POGLUT2: variants seen among roughly 807,000 people sequenced by gnomAD.
POGLUT2 encodes the protein protein O-glucosyltransferase 2, also known as ER protein 58.
Under a neutral mutation model 57.6 loss-of-function variants are expected in POGLUT2, and 47 were observed. That is an observed-to-expected ratio of 0.82 (90% CI 0.65 to 1.04). The LOEUF is 1.04. Among genes scored for constraint, POGLUT2 ranks in the 50% least tolerant of loss-of-function variants. The probability of loss-of-function intolerance (pLI) is 0.00; values close to 1 mark genes in which losing one functional copy is unlikely to be tolerated. For missense variants in POGLUT2, 565 were observed against 614.8 expected (o/e 0.92, Z 0.86); for synonymous variants, 200 against 218.8 (o/e 0.91, Z 0.76).
Position 102,797,023 on chromosome 13 carries a change from G to A in POGLUT2, c.183-14C>T, listed in dbSNP as rs367949154. ...GAAGATGTGAATCTGTGATGAAAAG[G>A]CAATGGGGGAGATAAACAGATTTTA... On this transcript the variant is annotated splice_polypyrimidine_tract_variant and intron_variant, in intron 1 of 9. Transcript: ENST00000376004. 3 of 1,588,788 alleles carry A rather than the reference G, an allele frequency of 1.9e-6. No homozygotes were observed. Among genetic ancestry groups the A allele is most frequent in the Non-Finnish European group, 2.6e-6 (3 of 1,158,928 alleles).
In POGLUT2 at chr13:102,784,492, A is replaced by C. The variant is rs780276855; in HGVS notation, c.*3T>G. ...ATTATTCTAATAGAAGTTATTTTGC[A>C]TATCAGAGTTCATCTTTGGTCTGCA... On this transcript the variant is annotated 3_prime_UTR_variant, in exon 10 of 10. Transcript: ENST00000376004. 14 of 1,541,138 alleles carry C rather than the reference A, an allele frequency of 9.1e-6. No individual in the cohort carries two copies. Among genetic ancestry groups the C allele is most frequent in the Non-Finnish European group, 1.2e-5 (14 of 1,120,560 alleles).
chr13:102,785,263 A>G (rs1877894480), intron 9 of POGLUT2, among the ~76,000 whole-genome samples: 1 of 152,172 alleles, frequency 6.6e-6, no homozygotes, highest in Non-Finnish European at 1.5e-5. Context: ...TTTATCAGTG[A>G]GCTCATATAA....
At position 102,791,450 on chromosome 13, in the gene POGLUT2, G is replaced by T. The variant is rs1878175577; in HGVS notation, c.673-20C>A. 1 of 1,564,584 alleles carries T rather than the reference G, an allele frequency of 6.4e-7. No homozygotes were observed. The highest frequency in any genetic ancestry group is 8.6e-7 in the Non-Finnish European group (1 of 1,162,636). On this transcript the variant is annotated intron_variant, in intron 4 of 9. Transcript: ENST00000376004. ...CTTCACCTAGAAAAAACAAAACGAG[G>T]AGCTTATTCACATTTCCTGCATTGG...
chr13:102,798,889 G>C lies in POGLUT2; in HGVS notation c.-219C>G. The C allele has an allele frequency of 2.0e-6, 1 of 488,076 alleles. No homozygotes were observed. The highest frequency in any genetic ancestry group is 3.6e-6 in the Non-Finnish European group (1 of 278,076). The allele number at this position is 488,076 out of a possible 1,614,324, so 30.2% of individuals were successfully genotyped here. Reference sequence around the variant, plus strand: ...CGCGCCCAGGTGAGGGTCCCCTGGCGTTCTGCTGTCCCGGCCGAGAACCGC... The same window carrying C: ...CGCGCCCAGGTGAGGGTCCCCTGGCCTTCTGCTGTCCCGGCCGAGAACCGC... On this transcript the variant is annotated 5_prime_UTR_variant, in exon 1 of 10. Coordinates refer to ENST00000376004, the MANE Select transcript of POGLUT2 (RefSeq NM_024089.3).
At chr13:102,784,621 C>T (rs1595303998) in intron 9 of POGLUT2, 109 bp from the exon 10 acceptor site, 2 of 691,776 alleles carry the variant, frequency 2.9e-6, no homozygotes, top group East Asian at 2.6e-5. Context: ...AGCCAAGCTG[C>T]TGCTAGAGGC....
In POGLUT2 at chr13:102,790,942, C is replaced by T. The variant is rs1878141686; in HGVS notation, c.1042G>A (p.Gly348Ser). 1.9e-6 allele frequency: 3 copies of T among 1,612,844 alleles called. No individual in the cohort carries two copies. The highest frequency in any genetic ancestry group is 1.3e-5 in the African/African-American group (1 of 74,906). ...FFFKHDENLY[G>S]PIVKHISFFD... ...AATGAAATATGTTTCACAATGGGACCATACAGGTTTTCATCGTGTTTAAAG... is the reference window on the plus strand; with the variant it reads ...AATGAAATATGTTTCACAATGGGACTATACAGGTTTTCATCGTGTTTAAAG... Residue 348 changes from glycine to serine, a missense_variant, in exon 6 of 10, where the codon GGT becomes AGT. Transcript: ENST00000376004.
chr13:102,786,757 G>A (rs184815578), intron 8 of POGLUT2, among the ~76,000 whole-genome samples: 1 of 152,236 alleles, frequency 6.6e-6, no homozygotes, highest in East Asian at 1.9e-4. Context: ...ACTGTGCTAA[G>A]TACCTATGCT....
intron 6 of POGLUT2, among the ~76,000 whole-genome samples, chr13:102,790,411 C>T (rs1878121282): frequency 6.6e-6 from 1 of 152,142 alleles, no homozygotes; most frequent in East Asian, 1.9e-4. Flanking sequence ...GGACTACTCC[C>T]CAGGAACCAT....
At chr13:102,794,288 C>T (rs1878293527) in intron 2 of POGLUT2, among the ~76,000 whole-genome samples, 2 of 151,648 alleles carry the variant, frequency 1.3e-5, no homozygotes, top group South Asian at 4.1e-4. Context: ...GTAAGTCAGC[C>T]TTCTACTCTG....
intron 4 of POGLUT2, 74 bp downstream of exon 4, chr13:102,793,267 T>C (rs571574410): frequency 1.2e-6 from 1 of 833,530 alleles, no homozygotes; most frequent in South Asian, 1.5e-5. Context: ...GTGTATAATT[T>C]GTATTTTGAA....
At chr13:102,786,747 A>G (rs2139080873) in intron 8 of POGLUT2, among the ~76,000 whole-genome samples, 1 of 152,292 alleles carries the variant, frequency 6.6e-6, no homozygotes, top group South Asian at 2.1e-4. Flanking sequence ...TGAGTGAAGC[A>G]CTGTGCTAAG....
chr13:102,785,789 G>T (rs1877918647), intron 9 of POGLUT2, among the ~76,000 whole-genome samples: 1 of 152,166 alleles, frequency 6.6e-6, no homozygotes, highest in African/African-American at 2.4e-5. Flanking sequence ...TTATGTAGTG[G>T]TATCAACTGA....
In POGLUT2 at chr13:102,786,242, T is replaced by C. The variant is rs772137109; in HGVS notation, c.1481A>G (p.His494Arg). Reference protein sequence around the residue: ...TEDDLFPCTCHRKKTKDEL With the variant: ...TEDDLFPCTCRRKKTKDEL The stretch of plus-strand genomic sequence containing the variant: ...CTCAGTTCTGGTTACCTTTTTCCTA[T>C]GGCAAGTACAAGGGAAGAGGTCGTC... The change falls in exon 9 of 10, where the codon CAT becomes CGT. Residue 494 changes from histidine to arginine, a missense_variant. His to Arg is a conservative substitution (Grantham distance 29, BLOSUM62 0). Coordinates refer to ENST00000376004, the MANE Select transcript of POGLUT2 (RefSeq NM_024089.3). The C allele has an allele frequency of 3.7e-6, 6 of 1,609,540 alleles. No individual in the cohort carries two copies. In the Admixed American group the frequency reaches 5.0e-5, roughly 13 times the overall value.
intron 2 of POGLUT2, among the ~76,000 whole-genome samples, chr13:102,795,245 C>T (rs1279370391): frequency 9.1e-6 from 1 of 109,508 alleles, no homozygotes; most frequent in Non-Finnish European, 1.7e-5. Context: ...AGCGAGACAT[C>T]GTCTCAAAAA....
chr13:102,787,445 A>G (rs1201325596), intron 8 of POGLUT2, among the ~76,000 whole-genome samples: 1 of 152,234 alleles, frequency 6.6e-6, no homozygotes, highest in Non-Finnish European at 1.5e-5. Context: ...AAGGGAAGTC[A>G]TGGCTCATAC....
chr13:102,795,454 TCATGCAGCTGAGG>T (rs1878341512), intron 2 of POGLUT2, among the ~76,000 whole-genome samples: 1 of 151,920 alleles, frequency 6.6e-6, no homozygotes, highest in Middle Eastern at 3.2e-3. Flanking sequence ...TCCCAGCTAC[TCATGCAGCTGAGG>T]TGGGAGGATT....
At chr13:102,792,260 A>G in intron 4 of POGLUT2, 1 of 210,520 alleles carries the variant, frequency 4.8e-6, no homozygotes, top group Non-Finnish European at 8.2e-6. Context: ...ATAATAGATT[A>G]CAAATAAATA....
chr13:102,792,906 C>T (rs1303233886), intron 4 of POGLUT2, among the ~76,000 whole-genome samples: 3 of 152,158 alleles, frequency 2.0e-5, no homozygotes, highest in Non-Finnish European at 4.4e-5. Flanking sequence ...GATCTTCCTG[C>T]CTCAGCTCCC....
intron 4 of POGLUT2, chr13:102,792,189 AT>A: frequency 1.2e-6 from 1 of 823,724 alleles, no homozygotes; most frequent in Non-Finnish European, 1.5e-6. Context: ...AAAAAAAGGC[AT>A]TATGATTTTC....
Sources: gnomAD v4.1 joint callset for allele counts (sites outside exome capture counted in the v4.1 genomes callset) on GRCh38, gnomAD v4.1.1 for gene constraint, MANE v1.5 for transcripts, NCBI Gene and HGNC (gene_info 2026-07-23, HGNC 2026-07-21) for gene names.